GUCY1A2: variants seen among roughly 807,000 people sequenced by gnomAD.
The protein encoded by GUCY1A2 is guanylate cyclase soluble subunit alpha-2.
GUCY1A2 carries 27 observed loss-of-function variants against 63.5 expected under a neutral mutation model. The observed-to-expected ratio is 0.43, with a 90% CI of 0.31 to 0.59. The LOEUF (loss-of-function observed/expected upper bound fraction) is 0.59. Ranked by LOEUF, GUCY1A2 falls within the 20% of genes least tolerant of loss-of-function variation. The pLI is 0.11. For missense variants in GUCY1A2, 768 were observed against 913.3 expected (o/e 0.84, Z 2.05); for synonymous variants, 364 against 343.5 (o/e 1.06, Z -0.66).
chr11:106,939,415 C>A (rs768030742), intron 4 of GUCY1A2, 45 bp downstream of exon 4: 1 of 916,286 alleles, frequency 1.1e-6, no homozygotes, highest in Non-Finnish European at 1.7e-6. Context: ...AAATAATTAT[C>A]CACTCTTCTA....
At chr11:106,974,183 A>T (rs1443950248) in intron 3 of GUCY1A2, among the ~76,000 whole-genome samples, 1 of 152,090 alleles carries the variant, frequency 6.6e-6, no homozygotes, top group African/African-American at 2.4e-5. Flanking sequence ...TTTTAATGAA[A>T]GAGGAAATTG....
At chr11:106,809,488 T>C (rs1858735377) in intron 5 of GUCY1A2, among the ~76,000 whole-genome samples, 1 of 152,104 alleles carries the variant, frequency 6.6e-6, no homozygotes, top group African/African-American at 2.4e-5. Context: ...CATTAGTCAT[T>C]TGAGCAATAG....
At chr11:107,012,105 A>T (rs1861754260) in intron 1 of GUCY1A2, among the ~76,000 whole-genome samples, 1 of 152,170 alleles carries the variant, frequency 6.6e-6, no homozygotes, top group Non-Finnish European at 1.5e-5. Flanking sequence ...ATTGCCACAC[A>T]GCAGTCAGTA....
chr11:106,724,370 A>G (rs1372757285), intron 6 of GUCY1A2, among the ~76,000 whole-genome samples: 1 of 152,136 alleles, frequency 6.6e-6, no homozygotes, highest in Non-Finnish European at 1.5e-5. Flanking sequence ...ACCTGGGTTC[A>G]TTTTTCATAT....
intron 4 of GUCY1A2, among the ~76,000 whole-genome samples, chr11:106,924,560 T>C (rs1860495700): frequency 6.6e-6 from 1 of 152,194 alleles, no homozygotes. Context: ...TATATAACCT[T>C]AGAAAAGTTT....
chr11:106,680,370 CAGA>C lies in GUCY1A2; in HGVS notation c.*7176_*7178del, dbSNP rs987324327. ...TTATCTGCAAATAGCAAAAAGTCCA[CAGA>C]AGAAGACTGAATATAAAGTGATTTC... is the stretch of plus-strand genomic sequence containing the variant. On this transcript the variant is annotated 3_prime_UTR_variant, in exon 8 of 8. Transcript: ENST00000526355. The C allele has an allele frequency of 2.4e-5, 5 of 210,086 alleles. No homozygotes were observed. Among genetic ancestry groups the C allele is most frequent in the African/African-American group, 4.5e-5 (2 of 44,062 alleles). 13.0% of individuals were successfully genotyped at this position (210,086 alleles called of 1,614,324 possible). A position where few individuals can be genotyped will look rare whatever the true frequency, so the allele number is the denominator to read the frequency against.
intron 6 of GUCY1A2, among the ~76,000 whole-genome samples, chr11:106,745,571 T>A (rs917475138): frequency 4.6e-5 from 7 of 152,224 alleles, no homozygotes; most frequent in African/African-American, 1.7e-4. Flanking sequence ...TAAACACTGA[T>A]CAATGTTTAT....
At chr11:106,972,064 A>G (rs1387623365) in intron 3 of GUCY1A2, among the ~76,000 whole-genome samples, 1 of 152,160 alleles carries the variant, frequency 6.6e-6, no homozygotes, top group African/African-American at 2.4e-5. Flanking sequence ...AAAACTGTCA[A>G]GGTCATCAAA....
At chr11:106,794,151 T>G (rs1415412752) in intron 5 of GUCY1A2, among the ~76,000 whole-genome samples, 2 of 151,240 alleles carry the variant, frequency 1.3e-5, no homozygotes, top group Admixed American at 6.6e-5. Flanking sequence ...CAGATGTATG[T>G]AAAGAAATAT....
intron 3 of GUCY1A2, among the ~76,000 whole-genome samples, chr11:106,959,633 A>C (rs1260214106): frequency 6.6e-6 from 1 of 152,204 alleles, no homozygotes; most frequent in Non-Finnish European, 1.5e-5. Flanking sequence ...TTTCAAAGAT[A>C]GTTCATTTGG....
chr11:106,961,353 G>C (rs770392867), intron 3 of GUCY1A2, among the ~76,000 whole-genome samples: 37 of 152,026 alleles, frequency 2.4e-4, no homozygotes, highest in Admixed American at 6.6e-5. Context: ...TAGCTTAATA[G>C]GTAGACTTAG....
At chr11:106,811,933 T>C (rs1001477153) in intron 4 of GUCY1A2, among the ~76,000 whole-genome samples, 7 of 151,984 alleles carry the variant, frequency 4.6e-5, no homozygotes, top group African/African-American at 1.7e-4. Context: ...GGCCAGAGAA[T>C]AGGAGGAGGA....
intron 4 of GUCY1A2, among the ~76,000 whole-genome samples, chr11:106,900,051 A>C (rs1591319429): frequency 6.8e-6 from 1 of 147,750 alleles, no homozygotes; most frequent in South Asian, 2.2e-4. Context: ...AGGCCACTGC[A>C]CTCCAGCCTA....
In GUCY1A2 at chr11:106,919,151, T is replaced by A. The variant is rs577558488; in HGVS notation, c.1206+20309A>T. ...TCACCGGACAAAAAACAAGCGTGAT[T>A]ATATATTGTTATGTTTGCTCATGTT... is the stretch of plus-strand genomic sequence containing the variant. On this transcript the variant is annotated intron_variant, in intron 4 of 7. Coordinates refer to ENST00000526355, the MANE Select transcript of GUCY1A2 (RefSeq NM_000855.3). 9.2e-5 allele frequency among the ~76,000 whole-genome samples: 14 copies of A among 152,318 alleles called. No homozygotes were observed. The South Asian group carries it at 1.7e-3, about 18-fold the overall frequency.
intron 7 of GUCY1A2, among the ~76,000 whole-genome samples, chr11:106,693,524 T>C (rs1331472868): frequency 6.6e-6 from 1 of 152,186 alleles, no homozygotes; most frequent in Non-Finnish European, 1.5e-5. Context: ...CGTAGCAAAC[T>C]ATGTCTTTCA....
rs1862428563 is a variant in GUCY1A2 at position 106,681,324 on chromosome 11, T to C, written c.*6225A>G. ...CATATCAAACCAACATTTGAATAAA[T>C]CTGCCGCAAGACCCATCTATATTTT... On this transcript the variant is annotated 3_prime_UTR_variant, in exon 8 of 8. Coordinates refer to ENST00000526355, the MANE Select transcript of GUCY1A2 (RefSeq NM_000855.3). 4.4e-6 allele frequency: 1 copy of C among 225,480 alleles called. No homozygotes were observed. Among genetic ancestry groups the C allele is most frequent in the Admixed American group, 5.7e-5 (1 of 17,520 alleles). The allele number at this position is 225,480 out of a possible 1,614,324, so 14.0% of individuals were successfully genotyped here.
chr11:106,920,782 G>A (rs1591328112), intron 4 of GUCY1A2, among the ~76,000 whole-genome samples: 2 of 152,050 alleles, frequency 1.3e-5, no homozygotes, highest in Admixed American at 6.6e-5. Flanking sequence ...GAATAAAGTC[G>A]ATCGCAGTAA....
intron 3 of GUCY1A2, among the ~76,000 whole-genome samples, chr11:106,966,944 A>G (rs1861133974): frequency 1.3e-5 from 2 of 152,220 alleles, no homozygotes; most frequent in Admixed American, 1.3e-4. Flanking sequence ...ATAGAAACAA[A>G]CCAAAAAAAA....
At chr11:106,888,302 CA>C (rs35343582) in intron 4 of GUCY1A2, among the ~76,000 whole-genome samples, 5,292 of 137,640 alleles carry the variant, frequency 0.038, 155 homozygotes, top group African/African-American at 0.083. Flanking sequence ...ACTAAAAATA[CA>C]AAAAAAAAAA....
Sources: allele counts gnomAD v4.1 joint callset (sites outside exome capture counted in the v4.1 genomes callset), GRCh38; gene constraint gnomAD v4.1.1; transcripts MANE v1.5; gene names NCBI Gene and HGNC (gene_info 2026-07-23, HGNC 2026-07-21).